Variants in UNC13A observed in about 807,000 individuals in gnomAD.
UNC13A encodes the protein unc-13 homolog A, also known as protein unc-13 homolog A.
A neutral mutation model predicts 219.7 loss-of-function variants in UNC13A; 61 were observed. The ratio of observed to expected loss-of-function variants is 0.28; its 90% CI spans 0.23 to 0.34. UNC13A has a LOEUF of 0.34. Ranked by LOEUF, UNC13A falls within the 10% of genes least tolerant of loss-of-function variation. UNC13A has a pLI of 1.00. For missense variants in UNC13A, 1,476 were observed against 2,270.3 expected (o/e 0.65, Z 7.11); for synonymous variants, 920 against 884.6 (o/e 1.04, Z -0.71).
At chr19:17,609,675 T>A (rs2076580917) in intron 43 of UNC13A, among the ~76,000 whole-genome samples, 1 of 152,140 alleles carries the variant, frequency 6.6e-6, no homozygotes, top group African/African-American at 2.4e-5. Context: ...CCTCTGCAAG[T>A]CTTCATCATG....
At position 17,649,983 on chromosome 19, in the gene UNC13A, G is replaced by A. The variant is rs2079313900; in HGVS notation, c.1440-396C>T. Among the ~76,000 whole-genome samples, 1 of 152,162 alleles carries A rather than the reference G, an allele frequency of 6.6e-6. No homozygotes were observed. The highest frequency in any genetic ancestry group is 1.9e-4 in the East Asian group (1 of 5,200). ...GGCAGGGGAGGAATTCTCTTCTACA[G>A]ATTTCAGAGGGAGCATGGCTCTACC... On this transcript the variant is annotated intron_variant, in intron 12 of 43. Coordinates refer to ENST00000519716, the MANE Select transcript of UNC13A (RefSeq NM_001080421.3). This position sits in a 1 kb window ranked among gnomAD's most constrained non-coding sequence, Gnocchi z 4.4.
At chr19:17,641,780 C>G (rs1007882590) in intron 20 of UNC13A, among the ~76,000 whole-genome samples, 11 of 151,996 alleles carry the variant, frequency 7.2e-5, no homozygotes, top group African/African-American at 2.7e-4. Flanking sequence ...ATCCATCCAT[C>G]CATTCATCCA....
chr19:17,676,734 C>T (rs1422045723), intron 1 of UNC13A, among the ~76,000 whole-genome samples: 2 of 152,124 alleles, frequency 1.3e-5, no homozygotes, highest in African/African-American at 4.8e-5. Context: ...ATGTGGAGGG[C>T]GAGGCACGGT....
intron 41 of UNC13A, chr19:17,616,376 G>T (rs1278325383): frequency 4.4e-6 from 3 of 689,592 alleles, no homozygotes; most frequent in Admixed American, 4.1e-5. Flanking sequence ...GGCACCAGGC[G>T]CGGGCGGCGG....
At chr19:17,624,568 C>T (rs561276916) in intron 35 of UNC13A, among the ~76,000 whole-genome samples, 1 of 152,194 alleles carries the variant, frequency 6.6e-6, no homozygotes. Context: ...TGTCTTTGAC[C>T]CCAGAGAAAA....
intron 43 of UNC13A, among the ~76,000 whole-genome samples, chr19:17,607,292 C>T (rs1024993156): frequency 6.6e-6 from 1 of 152,092 alleles, no homozygotes; most frequent in African/African-American, 2.4e-5. Flanking sequence ...GTGGGCATCT[C>T]CCTCTGTCAC....
intron 1 of UNC13A, among the ~76,000 whole-genome samples, chr19:17,679,393 C>G (rs1393147037): frequency 1.3e-5 from 2 of 151,288 alleles, no homozygotes; most frequent in African/African-American, 4.9e-5. Flanking sequence ...GAGCAAGACT[C>G]TGTCTCAAAA....
At chr19:17,659,314 G>A (rs2079512649) in intron 8 of UNC13A, among the ~76,000 whole-genome samples, 1 of 151,862 alleles carries the variant, frequency 6.6e-6, no homozygotes, top group Non-Finnish European at 1.5e-5. Context: ...GTGGTGGCAT[G>A]TGCCTGTAAT....
chr19:17,652,132 A>G (rs73009936), intron 12 of UNC13A, among the ~76,000 whole-genome samples: 98 of 103,950 alleles, frequency 9.4e-4, no homozygotes, highest in Non-Finnish European at 9.7e-4. Flanking sequence ...TTATTTATTT[A>G]TTTGTTTGTT....
In UNC13A at chr19:17,649,076, C is replaced by T. The variant is rs2079297256; in HGVS notation, c.1525-93G>A. The stretch of plus-strand genomic sequence containing the variant: ...CAGCCACGGATGGGGCCAGCAGCCA[C>T]ATTTTGGAGCCACAACCGCAAGTTG... On this transcript the variant is annotated intron_variant, in intron 14 of 43. Transcript: ENST00000519716. The surrounding 1 kb of genome is among the most constrained non-coding windows in gnomAD (Gnocchi z 4.4). 7.3e-7 allele frequency: 1 copy of T among 1,376,128 alleles called. No individual in the cohort carries two copies. Among genetic ancestry groups the T allele is most frequent in the Non-Finnish European group, 9.9e-7 (1 of 1,009,074 alleles). 85.2% of individuals were successfully genotyped at this position (1,376,128 alleles called of 1,614,324 possible).
At chr19:17,651,192 C>T (rs112902985) in intron 12 of UNC13A, among the ~76,000 whole-genome samples, 17,840 of 151,750 alleles carry the variant, frequency 0.12, 1,261 homozygotes, top group African/African-American at 0.19. Context: ...ACCGCCTAGG[C>T]CTCCCAAAGT....
chr19:17,612,216 G>A (rs2076611750), intron 41 of UNC13A: 1 of 182,092 alleles, frequency 5.5e-6, no homozygotes, highest in East Asian at 1.4e-4. Flanking sequence ...TGTCCTCTTG[G>A]CTGCAACAAT....
chr19:17,639,355 G>A, intron 24 of UNC13A, 81 bp downstream of exon 24: 1 of 1,569,368 alleles, frequency 6.4e-7, no homozygotes, highest in Non-Finnish European at 8.7e-7. Flanking sequence ...CCACTCTCCA[G>A]GAGGAATGTC....
chr19:17,618,971 A>G lies in UNC13A; in HGVS notation c.4273-9T>C, dbSNP rs774534650. ...AAGATCATCTGGGTTCCCTGCAGGT[A>G]ACAACATACAGCTGGGTGAGGGCAG... is the stretch of plus-strand genomic sequence containing the variant. On this transcript the variant is annotated splice_polypyrimidine_tract_variant and intron_variant, in intron 38 of 43. Transcript: ENST00000519716. The G allele has an allele frequency of 1.9e-6, 3 of 1,613,906 alleles. No individual in the cohort carries two copies. The highest frequency in any genetic ancestry group is 2.2e-5 in the East Asian group (1 of 44,890).
chr19:17,678,784 G>A (rs753867100), intron 1 of UNC13A, among the ~76,000 whole-genome samples: 12 of 152,026 alleles, frequency 7.9e-5, no homozygotes, highest in Non-Finnish European at 1.2e-4. Flanking sequence ...AGGGGAAGGG[G>A]CAAGAGGTAG....
rs758815795 is a variant in UNC13A at position 17,642,916 on chromosome 19, G to A, written c.2401C>T (p.His801Tyr). 1 of 1,610,312 alleles carries A rather than the reference G, an allele frequency of 6.2e-7. No individual in the cohort carries two copies. The highest frequency in any genetic ancestry group is 2.2e-5 in the East Asian group (1 of 44,820). The change falls in exon 20 of 44, where the codon CAC becomes TAC. Residue 801 changes from histidine (H) to tyrosine (Y), a missense_variant. His to Tyr is a moderately conservative substitution (Grantham distance 83). This residue lies in a region of UNC13A where 66 missense variants were observed against 224.3 expected (regional missense o/e 0.29). Transcript: ENST00000519716. Reference protein sequence around the residue: ...KSAVSGAIRLHISVEIKGEEK... With the variant: ...KSAVSGAIRLYISVEIKGEEK... ...TCGCCTTTGATCTCCACACTGATGT[G>A]GAGCCGGATGGCACCCGACACGGCA... is the stretch of plus-strand genomic sequence containing the variant.
At chr19:17,612,190 G>A in intron 41 of UNC13A, 1 of 198,630 alleles carries the variant, frequency 5.0e-6, no homozygotes, top group East Asian at 1.2e-4. Context: ...TGGCACCCTG[G>A]CCTCCTGTGG....
intron 26 of UNC13A, among the ~76,000 whole-genome samples, chr19:17,635,131 G>A (rs549536023): frequency 8.5e-5 from 13 of 152,284 alleles, no homozygotes; most frequent in South Asian, 4.1e-4. Flanking sequence ...CTCCCAAAGT[G>A]CTGGGATTAC....
intron 1 of UNC13A, among the ~76,000 whole-genome samples, chr19:17,680,388 C>A (rs1343776437): frequency 6.6e-6 from 1 of 151,930 alleles, no homozygotes; most frequent in Non-Finnish European, 1.5e-5. Flanking sequence ...ATAGCGTGGG[C>A]GCGCGGAGGG....
Sources: allele counts gnomAD v4.1 joint callset (sites outside exome capture counted in the v4.1 genomes callset), GRCh38; gene constraint gnomAD v4.1.1; regional missense constraint gnomAD v4.1.1; non-coding constraint Gnocchi (gnomAD v3.1); transcripts MANE v1.5; gene names NCBI Gene and HGNC (gene_info 2026-07-23, HGNC 2026-07-21).